BECN1: variants seen among roughly 807,000 people sequenced by gnomAD.
The protein encoded by BECN1 is beclin-1.
A neutral mutation model predicts 60.1 loss-of-function variants in BECN1; 15 were observed. The observed-to-expected ratio is 0.25, with a 90% CI of 0.17 to 0.38. BECN1 has a LOEUF of 0.38. Among genes scored for constraint, BECN1 ranks in the 10% least tolerant of loss-of-function variants. The pLI, the probability that BECN1 is intolerant of heterozygous loss-of-function variation, is 1.00. For synonymous variants in BECN1, 179 were observed against 201.8 expected, an observed-to-expected ratio of 0.89 and a Z score of 0.96; for missense variants, 424 against 548.2, an observed-to-expected ratio of 0.77 and a Z score of 2.26.
intron 6 of BECN1, 52 bp from the exon 7 acceptor site, chr17:42,818,467 G>T (rs1305985513): frequency 6.2e-7 from 1 of 1,612,066 alleles, no homozygotes; most frequent in Admixed American, 1.7e-5. Context: ...TTGCCTGAGT[G>T]GAGTACGGCT....
In BECN1 at chr17:42,811,775, C is replaced by A; in HGVS notation, c.1064G>T (p.Gly355Val). ...GTTGTCCCAGAAAAACCGCAACCCC[C>A]CAGAACAGTATAACGGCAGCTCCTG... Reference protein sequence around the residue: ...KSKELPLYCSGGLRFFWDNKF... With the variant: ...KSKELPLYCSVGLRFFWDNKF... The change falls in exon 11 of 12, where the codon GGG (glycine) becomes GTG (valine). Residue 355 changes from glycine (G) to valine (V), a missense_variant. Coordinates refer to ENST00000590099, the MANE Select transcript of BECN1 (RefSeq NM_001313998.2). 6.2e-7 allele frequency: 1 copy of A among 1,614,104 alleles called. No individual in the cohort carries two copies.
chr17:42,818,152 A>G, intron 7 of BECN1, 69 bp downstream of exon 7: 1 of 1,528,134 alleles, frequency 6.5e-7, no homozygotes, highest in Non-Finnish European at 8.9e-7. Flanking sequence ...ATTCAGACAC[A>G]TTCAGCTGGA....
intron 4 of BECN1, chr17:42,819,229 GACC>G (rs1281924323): frequency 3.4e-5 from 16 of 467,420 alleles, no homozygotes; most frequent in Non-Finnish European, 5.7e-5. Context: ...GAGAACTAAG[GACC>G]TGAACATCTA....
intron 11 of BECN1, 105 bp downstream of exon 11, chr17:42,811,550 T>C (rs2055005935): frequency 6.9e-7 from 1 of 1,450,840 alleles, no homozygotes; most frequent in Non-Finnish European, 9.3e-7. Context: ...GTGCCATTTT[T>C]TTGCTTTCCC....
At chr17:42,816,362 CTT>C (rs2055145851) in intron 7 of BECN1, among the ~76,000 whole-genome samples, 1 of 152,138 alleles carries the variant, frequency 6.6e-6, no homozygotes, top group South Asian at 2.1e-4. Context: ...TTAGGAGTGG[CTT>C]CTTGGGGCCA....
At position 42,815,171 on chromosome 17, in the gene BECN1, G is replaced by A. The variant is rs532374201; in HGVS notation, c.831-498C>T. On this transcript the variant is annotated intron_variant, in intron 8 of 11. Transcript: ENST00000590099. ...TTGGATGAAGTCCAAACCTCTTAAC[G>A]AGGCCTACGAGATCCTTCAGGAACT... Among the ~76,000 whole-genome samples, 18 of 148,018 alleles carry A rather than the reference G, an allele frequency of 1.2e-4. 1 individual carries two copies. In the South Asian group the frequency reaches 3.5e-3, roughly 29 times the overall value.
chr17:42,814,759 T>C (rs2055110351), intron 8 of BECN1, 86 bp from the exon 9 acceptor site: 2 of 1,517,462 alleles, frequency 1.3e-6, no homozygotes, highest in African/African-American at 2.7e-5. Context: ...AAACCTAGCT[T>C]AAATCTATCT....
chr17:42,820,201 G>A (rs2055234063), intron 3 of BECN1: 1 of 152,908 alleles, frequency 6.5e-6, no homozygotes, highest in Non-Finnish European at 1.5e-5. Flanking sequence ...GGCAGCTGTG[G>A]GTAAATAAAT....
At chr17:42,811,251 A>G (rs1449941969) in intron 11 of BECN1, 1 of 299,062 alleles carries the variant, frequency 3.3e-6, no homozygotes, top group Non-Finnish European at 6.1e-6. Context: ...GAGGCAGAAG[A>G]AAAGAAATGC....
intron 3 of BECN1, 99 bp from the exon 4 acceptor site, chr17:42,819,708 C>CTT: frequency 8.4e-7 from 1 of 1,184,754 alleles, no homozygotes; most frequent in Non-Finnish European, 1.2e-6. Flanking sequence ...TCTTGATAAC[C>CTT]ACAAGACTTG....
At chr17:42,820,753 G>A (rs1190044054) in intron 3 of BECN1, 21 bp downstream of exon 3, 3 of 1,556,248 alleles carry the variant, frequency 1.9e-6, no homozygotes, top group Non-Finnish European at 2.6e-6. Context: ...AGGAGGATAG[G>A]GGAGAGGGCA....
At chr17:42,816,744 G>A (rs867577245) in intron 7 of BECN1, among the ~76,000 whole-genome samples, 3 of 151,906 alleles carry the variant, frequency 2.0e-5, no homozygotes, top group South Asian at 2.1e-4. Flanking sequence ...GCTGAGGTGG[G>A]CAGATCACCT....
chr17:42,814,073 C>T (rs999622053), intron 9 of BECN1, 65 bp from the exon 10 acceptor site: 2 of 1,176,764 alleles, frequency 1.7e-6, no homozygotes, highest in African/African-American at 1.6e-5. Context: ...TGGGAAGTTA[C>T]AACCCAATGA....
rs775584638 is a variant in BECN1 at position 42,811,770 on chromosome 17, A to T, written c.1069T>A (p.Leu357Met). The T allele has an allele frequency of 6.2e-7, 1 of 1,613,982 alleles. No individual in the cohort carries two copies. Among genetic ancestry groups the T allele is most frequent in the African/African-American group, 1.3e-5 (1 of 74,962 alleles). The change falls in exon 11 of 12, where the codon TTG (leucine) becomes ATG (methionine). Residue 357 changes from leucine to methionine, a missense_variant. By Grantham distance (15) the Leu-to-Met change is conservative. Around this residue, in one of 3 missense-constraint regions of BECN1, gnomAD observed 326 missense variants for 406.2 expected, o/e 0.80. Coordinates refer to ENST00000590099, the MANE Select transcript of BECN1 (RefSeq NM_001313998.2). ...AACTTGTTGTCCCAGAAAAACCGCAACCCCCCAGAACAGTATAACGGCAGC... is the reference window on the plus strand; with the variant it reads ...AACTTGTTGTCCCAGAAAAACCGCATCCCCCCAGAACAGTATAACGGCAGC... ...KELPLYCSGGLRFFWDNKFDH... is the reference protein window; with the variant it reads ...KELPLYCSGGMRFFWDNKFDH...
chr17:42,820,657 C>T, intron 3 of BECN1, 117 bp downstream of exon 3: 1 of 1,016,096 alleles, frequency 9.8e-7, no homozygotes, highest in Non-Finnish European at 1.5e-6. Context: ...AGTCCGGGAG[C>T]TCTAGAAGCG....
At chr17:42,821,378 T>C (rs1055589572) in intron 2 of BECN1, among the ~76,000 whole-genome samples, 2 of 152,172 alleles carry the variant, frequency 1.3e-5, no homozygotes, top group Non-Finnish European at 2.9e-5. Context: ...TTAAGAATCC[T>C]TATCTGTCAA....
chr17:42,821,119 G>C (rs958749747), intron 2 of BECN1, among the ~76,000 whole-genome samples: 11 of 152,146 alleles, frequency 7.2e-5, no homozygotes, highest in Admixed American at 7.2e-4. Flanking sequence ...GGGTGCAGTG[G>C]CACGATCTCG....
chr17:42,823,846 G>T lies in BECN1; in HGVS notation c.32C>A (p.Thr11Asn). MEGSKTSNNS[T>N]MQVSFVCQRC... ...CTGGCACACGAAGCTCACCTGCATG[G>T]TGCTGTTGTTGGACGTCTTAGACCC... The change falls in exon 2 of 12, where the codon ACC becomes AAC. Residue 11 changes from threonine (T) to asparagine (N), a missense_variant. Thr to Asn is a moderately conservative substitution (Grantham distance 65). Transcript: ENST00000590099. 2 of 1,614,146 alleles carry T rather than the reference G, an allele frequency of 1.2e-6. No homozygotes were observed. Among genetic ancestry groups the T allele is most frequent in the Non-Finnish European group, 1.7e-6 (2 of 1,180,016 alleles).
At chr17:42,822,649 C>T (rs983462660) in intron 2 of BECN1, among the ~76,000 whole-genome samples, 1 of 152,118 alleles carries the variant, frequency 6.6e-6, no homozygotes, top group Non-Finnish European at 1.5e-5. Flanking sequence ...ATCCACCTGC[C>T]TCAGCCTCCC....
Sources: gnomAD v4.1 joint callset for allele counts (sites outside exome capture counted in the v4.1 genomes callset) on GRCh38, gnomAD v4.1.1 for gene constraint, gnomAD v4.1.1 regional missense constraint, MANE v1.5 for transcripts, NCBI Gene and HGNC (gene_info 2026-07-23, HGNC 2026-07-21) for gene names.